The following STMN2 variants were observed in gnomAD, a reference collection of about 807,000 sequenced individuals.
STMN2 encodes stathmin 2, also known as stathmin-2.
STMN2 carries 2 observed loss-of-function variants against 24.1 expected under a neutral mutation model. The ratio of observed to expected loss-of-function variants is 0.08; its 90% CI spans 0.03 to 0.26. The LOEUF (loss-of-function observed/expected upper bound fraction) is 0.26. Among genes scored for constraint, STMN2 ranks in the 10% least tolerant of loss-of-function variants. STMN2 has a pLI of 1.00. For missense variants in STMN2, 114 were observed against 213.6 expected (o/e 0.53, Z 2.91); for synonymous variants, 83 against 77.5 (o/e 1.07, Z -0.37).
At chr8:79,631,083 C>T (rs908065263) in intron 1 of STMN2, among the ~76,000 whole-genome samples, 13 of 152,182 alleles carry the variant, frequency 8.5e-5, no homozygotes, top group African/African-American at 2.7e-4. Flanking sequence ...TGTAGCGGAA[C>T]TCTCATTAAA....
chr8:79,616,223 C>T (rs945327610), intron 1 of STMN2, among the ~76,000 whole-genome samples: 21 of 152,266 alleles, frequency 1.4e-4, no homozygotes, highest in African/African-American at 4.8e-4. Context: ...TAAATCTAAT[C>T]CAATGTGATT....
At chr8:79,659,769 G>A (rs929586357) in intron 4 of STMN2, among the ~76,000 whole-genome samples, 2 of 152,054 alleles carry the variant, frequency 1.3e-5, no homozygotes, top group Admixed American at 1.3e-4. Flanking sequence ...GGGTTCTATG[G>A]GGGTTTCTTT....
At chr8:79,640,683 A>G (rs1040969116) in intron 2 of STMN2, among the ~76,000 whole-genome samples, 2 of 152,232 alleles carry the variant, frequency 1.3e-5, no homozygotes, top group African/African-American at 4.8e-5. Context: ...CCCCCATCAC[A>G]GAGTGATGTT....
intron 3 of STMN2, among the ~76,000 whole-genome samples, chr8:79,651,239 C>A (rs557062455): frequency 1.3e-5 from 2 of 152,314 alleles, no homozygotes; most frequent in Admixed American, 6.5e-5. Flanking sequence ...AGCAGACTCA[C>A]GTGACCACAC....
intron 1 of STMN2, among the ~76,000 whole-genome samples, chr8:79,612,619 G>A (rs1353545595): frequency 6.6e-6 from 1 of 152,172 alleles, no homozygotes; most frequent in Non-Finnish European, 1.5e-5. Flanking sequence ...TGTGCCTTGA[G>A]TGCCCACGGT....
Position 79,615,120 on chromosome 8 carries a change from A to G in STMN2, c.19+3906A>G, listed in dbSNP as rs553238563. Among the ~76,000 whole-genome samples, 20 of 152,388 alleles carry G rather than the reference A, an allele frequency of 1.3e-4. No individual in the cohort carries two copies. In the South Asian group the frequency reaches 2.9e-3, roughly 22 times the overall value. On this transcript the variant is annotated intron_variant, in intron 1 of 4. Transcript: ENST00000220876. ...CAGTAGCTATCAAACAGAATTTTAA[A>G]GTTAAATCTGTACAACTAACAATGA...
At chr8:79,657,094 A>C (rs549288669) in intron 4 of STMN2, among the ~76,000 whole-genome samples, 7 of 152,280 alleles carry the variant, frequency 4.6e-5, no homozygotes, top group Non-Finnish European at 1.0e-4. Flanking sequence ...AGCTGGTCTC[A>C]AACTCCTGAC....
chr8:79,641,628 G>GCGCACACA (rs767739163), intron 3 of STMN2, 78 bp downstream of exon 3: 24 of 431,796 alleles, frequency 5.6e-5, no homozygotes, highest in East Asian at 2.0e-4. Flanking sequence ...ACACATGCAC[G>GCGCACACA]CACACACACA....
chr8:79,624,226 G>C (rs951797209), intron 1 of STMN2, among the ~76,000 whole-genome samples: 8 of 151,946 alleles, frequency 5.3e-5, no homozygotes, highest in African/African-American at 1.9e-4. Context: ...TGGCCGAGGC[G>C]GGCGGATCAC....
At chr8:79,628,941 T>C (rs1356513420) in intron 1 of STMN2, among the ~76,000 whole-genome samples, 2 of 152,250 alleles carry the variant, frequency 1.3e-5, no homozygotes, top group African/African-American at 2.4e-5. Flanking sequence ...ATTATACTAA[T>C]TGAAGTTCAG....
At chr8:79,643,149 G>GTGTATA (rs764308760) in intron 3 of STMN2, among the ~76,000 whole-genome samples, 31 of 140,100 alleles carry the variant, frequency 2.2e-4, no homozygotes, top group African/African-American at 6.0e-4. Flanking sequence ...ATGTGTGTGT[G>GTGTATA]TATATATATA....
At chr8:79,638,553 C>T (rs546158945) in intron 2 of STMN2, among the ~76,000 whole-genome samples, 116 of 152,234 alleles carry the variant, frequency 7.6e-4, no homozygotes, top group African/African-American at 2.6e-3. Flanking sequence ...TAGATAATAA[C>T]GTGACTTGTT....
chr8:79,641,569 T>G lies in STMN2; in HGVS notation c.288+19T>G. The G allele has an allele frequency of 6.2e-7, 1 of 1,607,452 alleles. No individual in the cohort carries two copies. The highest frequency in any genetic ancestry group is 8.5e-7 in the Non-Finnish European group (1 of 1,177,530). On this transcript the variant is annotated intron_variant, in intron 3 of 4. Transcript: ENST00000220876. ...AAGAAAGGTAACTTTTTCCATAGGT[T>G]TTCCTTCTCTCTCTCCCTCCCCTGC...
intron 1 of STMN2, among the ~76,000 whole-genome samples, chr8:79,623,702 C>T (rs1809572918): frequency 6.6e-6 from 1 of 151,908 alleles, no homozygotes; most frequent in Admixed American, 6.6e-5. Context: ...AAACAAGGAG[C>T]TTTATATGAA....
chr8:79,646,908 G>A (rs1810230027), intron 3 of STMN2, among the ~76,000 whole-genome samples: 1 of 152,194 alleles, frequency 6.6e-6, no homozygotes, highest in African/African-American at 2.4e-5. Flanking sequence ...TGCAGAAAGT[G>A]TAGGTTTCAG....
At chr8:79,654,258 G>A (rs1463717952) in intron 3 of STMN2, among the ~76,000 whole-genome samples, 2 of 151,748 alleles carry the variant, frequency 1.3e-5, no homozygotes, top group South Asian at 2.1e-4. Flanking sequence ...TTCAAGAGAG[G>A]GTCAAAACAA....
chr8:79,612,889 C>G (rs1189620072), intron 1 of STMN2, among the ~76,000 whole-genome samples: 1 of 152,112 alleles, frequency 6.6e-6, no homozygotes, highest in East Asian at 1.9e-4. Flanking sequence ...TTTTTTCAGC[C>G]CCGCAGTCCA....
Position 79,641,491 on chromosome 8 carries a change from A to G in STMN2, c.229A>G (p.Lys77Glu). 6.2e-7 allele frequency: 1 copy of G among 1,614,098 alleles called. No individual in the cohort carries two copies. Among genetic ancestry groups the G allele is most frequent in the Non-Finnish European group, 8.5e-7 (1 of 1,179,986 alleles). ...ACGAACTTTAGCTTCTCCAAAGAAG[A>G]AAGACCTGTCCCTGGAGGAGATCCA... ...APRTLASPKKKDLSLEEIQKK... is the reference protein window; with the variant it reads ...APRTLASPKKEDLSLEEIQKK... Residue 77 changes from lysine to glutamate, a missense_variant, in exon 3 of 5, where the codon AAA becomes GAA. By Grantham distance (56) the Lys-to-Glu change is moderately conservative. Transcript: ENST00000220876.
At chr8:79,635,880 A>G (rs1809936298) in intron 1 of STMN2, among the ~76,000 whole-genome samples, 1 of 152,012 alleles carries the variant, frequency 6.6e-6, no homozygotes, top group Non-Finnish European at 1.5e-5. Context: ...CTGCACATAT[A>G]CCCCTTGTAT....
Sources: gnomAD v4.1 joint callset for allele counts (sites outside exome capture counted in the v4.1 genomes callset) on GRCh38, gnomAD v4.1.1 for gene constraint, MANE v1.5 for transcripts, NCBI Gene and HGNC (gene_info 2026-07-23, HGNC 2026-07-21) for gene names.